Variants in LRSAM1 observed in about 807,000 individuals in gnomAD.
LRSAM1 encodes E3 ubiquitin-protein ligase LRSAM1.
A neutral mutation model predicts 118.1 loss-of-function variants in LRSAM1; 96 were observed. That is an observed-to-expected ratio of 0.81 (90% CI 0.69 to 0.96). The LOEUF (loss-of-function observed/expected upper bound fraction) is 0.96. Ranked by LOEUF, LRSAM1 falls within the 40% of genes least tolerant of loss-of-function variation. The pLI is 0.00. For synonymous variants in LRSAM1, 322 were observed against 364.2 expected (o/e 0.88, Z 1.32); for missense variants, 804 against 915.5 (o/e 0.88, Z 1.57).
chr9:127,482,227 C>T (rs1489787911), intron 15 of LRSAM1, among the ~76,000 whole-genome samples: 1 of 150,722 alleles, frequency 6.6e-6, no homozygotes, highest in Non-Finnish European at 1.5e-5. Flanking sequence ...ACTGCAACCT[C>T]CACCTCCCAG....
Position 127,484,023 on chromosome 9 carries a change from C to T in LRSAM1, c.1159+1003C>T, listed in dbSNP as rs576041389. Among the ~76,000 whole-genome samples the T allele has an allele frequency of 2.6e-5, 4 of 152,168 alleles. No homozygotes were observed. In the South Asian group the frequency reaches 6.2e-4, roughly 24 times the overall value. On this transcript the variant is annotated intron_variant, in intron 16 of 25. Transcript: ENST00000300417. ...TTGTACAACTGCCACCACCATCCAT[C>T]GCCAGAACTTTTTCATCTTCCTCAA...
chr9:127,468,623 C>T (rs1835046317), intron 10 of LRSAM1, among the ~76,000 whole-genome samples: 1 of 152,062 alleles, frequency 6.6e-6, no homozygotes, highest in Admixed American at 6.6e-5. Context: ...AAAAAATGAA[C>T]TTTAACCTCT....
At chr9:127,497,754 GGGCAAA>G (rs1420605741) in intron 24 of LRSAM1, among the ~76,000 whole-genome samples, 7 of 152,216 alleles carry the variant, frequency 4.6e-5, no homozygotes, top group African/African-American at 1.7e-4. Context: ...GGCTGTGAAG[GGGCAAA>G]GGCAGGTCGT....
At chr9:127,479,548 C>G in intron 13 of LRSAM1, 43 bp downstream of exon 13, 1 of 1,610,728 alleles carries the variant, frequency 6.2e-7, no homozygotes, top group Non-Finnish European at 8.5e-7. Flanking sequence ...CTGCATCCCC[C>G]AGCCAGTGGC....
In LRSAM1 at chr9:127,473,932, G is replaced by A. The variant is rs1554756395; in HGVS notation, c.750+1G>A. On this transcript the variant is annotated splice_donor_variant, in intron 11 of 25. Transcript: ENST00000300417. LOFTEE classifies it high-confidence loss of function. The stretch of plus-strand genomic sequence containing the variant: ...CTCAAGGGAGGAGTTAGAGTGGCAG[G>A]TAAGACAAGGCAGCCTGCTGCACGC... 4 of 1,614,248 alleles carry A rather than the reference G, an allele frequency of 2.5e-6. No individual in the cohort carries two copies. The South Asian group carries it at 4.4e-5, about 18-fold the overall frequency.
At chr9:127,459,576 T>C (rs529687559) in intron 7 of LRSAM1, among the ~76,000 whole-genome samples, 48 of 149,176 alleles carry the variant, frequency 3.2e-4, no homozygotes, top group Admixed American at 3.1e-3. Context: ...TGTATGTGTA[T>C]TTTTTTTTTC....
intron 23 of LRSAM1, among the ~76,000 whole-genome samples, chr9:127,497,038 C>CTGAT (rs1370629803): frequency 6.6e-6 from 1 of 152,276 alleles, no homozygotes; most frequent in Non-Finnish European, 1.5e-5. Context: ...CCCTGCCACA[C>CTGAT]TGATTGTTGG....
chr9:127,459,594 T>C (rs1248716003), intron 7 of LRSAM1, among the ~76,000 whole-genome samples: 1 of 151,036 alleles, frequency 6.6e-6, no homozygotes, highest in African/African-American at 2.4e-5. Flanking sequence ...TTCTCACTCT[T>C]GTCACCCAGG....
chr9:127,489,663 G>T (rs1835859993), intron 19 of LRSAM1, 145 bp downstream of exon 19: 1 of 887,394 alleles, frequency 1.1e-6, no homozygotes, highest in Non-Finnish European at 1.8e-6. Context: ...CTTGCCCTCA[G>T]AACCTCCCTT....
At chr9:127,479,812 G>T (rs1239811719) in intron 13 of LRSAM1, 27 bp from the exon 14 acceptor site, 4 of 1,609,652 alleles carry the variant, frequency 2.5e-6, no homozygotes, top group East Asian at 2.2e-5. Context: ...GGTCCCAGGG[G>T]CTCAGGACCC....
chr9:127,485,835 G>A lies in LRSAM1; in HGVS notation c.1259G>A (p.Ser420Asn). ...RQNLVQQACSSMAEMDERFQQ... is the reference protein window; with the variant it reads ...RQNLVQQACSNMAEMDERFQQ... The stretch of plus-strand genomic sequence containing the variant: ...AACTTGGTCCAGCAGGCCTGTTCCA[G>A]GTAAGGTAAGGAAGAGGAGTCCCAG... Residue 420 changes from serine to asparagine, a missense_variant and splice_region_variant, in exon 17 of 26, where the codon AGC (serine) becomes AAC (asparagine). Ser to Asn is a conservative substitution (Grantham distance 46). Coordinates refer to ENST00000300417, the MANE Select transcript of LRSAM1 (RefSeq NM_001005373.4). 7.4e-6 allele frequency: 12 copies of A among 1,614,014 alleles called. No individual in the cohort carries two copies. The highest frequency in any genetic ancestry group is 1.0e-5 in the Non-Finnish European group (12 of 1,179,944).
intron 17 of LRSAM1, among the ~76,000 whole-genome samples, chr9:127,487,011 C>T (rs1364119907): frequency 2.6e-5 from 4 of 151,904 alleles, no homozygotes; most frequent in East Asian, 1.9e-4. Context: ...GGTAAAACCC[C>T]GTCTCTACTA....
rs780051652 is a variant in LRSAM1 at position 127,495,293 on chromosome 9, T to TAACA, written c.1600-26_1600-23dup. On this transcript the variant is annotated intron_variant, in intron 21 of 25. Coordinates refer to ENST00000300417, the MANE Select transcript of LRSAM1 (RefSeq NM_001005373.4). ...ACAGGTTTTATTACCATTTTGTGAC[T>TAACA]AACATTGCCTGCTTCATTCCTGGCA... 4 of 1,605,240 alleles carry TAACA rather than the reference T, an allele frequency of 2.5e-6. 1 individual carries two copies. The South Asian group carries it at 4.4e-5, about 18-fold the overall frequency.
At chr9:127,456,589 G>A (rs1308729374) in intron 5 of LRSAM1, among the ~76,000 whole-genome samples, 2 of 152,138 alleles carry the variant, frequency 1.3e-5, no homozygotes, top group Non-Finnish European at 2.9e-5. Flanking sequence ...GATTGGCCGG[G>A]TGCGGTGGCT....
At position 127,465,810 on chromosome 9, in the gene LRSAM1, G is replaced by A. The variant is rs560513053; in HGVS notation, c.529-1930G>A. 3.3e-4 allele frequency among the ~76,000 whole-genome samples: 51 copies of A among 152,300 alleles called. No homozygotes were observed. Among genetic ancestry groups the A allele is most frequent in the African/African-American group, 1.1e-3 (47 of 41,560 alleles). The stretch of plus-strand genomic sequence containing the variant: ...AGCACTCTGGGATGAGAGGGCCTGT[G>A]GGAAGTCAGAGGTTGGCAGCGGGAG... On this transcript the variant is annotated intron_variant, in intron 9 of 25. Transcript: ENST00000300417. This position sits in a 1 kb window ranked among gnomAD's most constrained non-coding sequence, Gnocchi z 4.1.
At chr9:127,480,043 G>C in intron 14 of LRSAM1, 65 bp downstream of exon 14, 1 of 1,611,024 alleles carries the variant, frequency 6.2e-7, no homozygotes, top group Non-Finnish European at 8.5e-7. Context: ...GAGGAGCCGG[G>C]AGGAGTGTGT....
chr9:127,502,463 T>G (rs1014910890), intron 25 of LRSAM1, among the ~76,000 whole-genome samples: 1 of 152,008 alleles, frequency 6.6e-6, no homozygotes, highest in African/African-American at 2.4e-5. Flanking sequence ...GGCGGGCAGA[T>G]CACTTGGGGT....
In LRSAM1 at chr9:127,486,233, C is replaced by T. The variant is rs139436676; in HGVS notation, c.1259+398C>T. On this transcript the variant is annotated intron_variant, in intron 17 of 25. Transcript: ENST00000300417. Reference sequence around the variant, plus strand: ...AGGTGGCGGAGCCAGGATTTGAGCCCGGCAGAGGGGAGGGGTGTGCTCTTG... The same window carrying T: ...AGGTGGCGGAGCCAGGATTTGAGCCTGGCAGAGGGGAGGGGTGTGCTCTTG... Among the ~76,000 whole-genome samples, 312 of 152,332 alleles carry T rather than the reference C, an allele frequency of 2.0e-3. 3 individuals carry two copies. Among genetic ancestry groups the T allele is most frequent in the Admixed American group, 7.1e-3 (109 of 15,298 alleles).
chr9:127,473,962 ATG>A (rs761971578), intron 11 of LRSAM1, 31 bp downstream of exon 11: 2 of 1,612,044 alleles, frequency 1.2e-6, no homozygotes, highest in Non-Finnish European at 1.7e-6. Flanking sequence ...GCACGCATAC[ATG>A]TGTGTGTGTG....
Sources: gnomAD v4.1 joint callset for allele counts (sites outside exome capture counted in the v4.1 genomes callset) on GRCh38, gnomAD v4.1.1 for gene constraint, Gnocchi (gnomAD v3.1) non-coding constraint, MANE v1.5 for transcripts, NCBI Gene and HGNC (gene_info 2026-07-23, HGNC 2026-07-21) for gene names.